Variants in SDK1 observed in about 807,000 individuals in gnomAD.
SDK1 encodes sidekick cell adhesion molecule 1.
SDK1 carries 157 observed loss-of-function variants against 245.5 expected under a neutral mutation model. That is an observed-to-expected ratio of 0.64 (90% CI 0.56 to 0.73). SDK1 has a LOEUF of 0.73. SDK1 is among the 30% of genes least tolerant of loss of function. SDK1 has a pLI of 0.00. For missense variants in SDK1, 3,583 were observed against 3,002.3 expected (o/e 1.19, Z -4.52); for synonymous variants, 1,647 against 1,278.5 (o/e 1.29, Z -6.15).
At chr7:3,879,552 C>CA (rs1781155124) in intron 5 of SDK1, among the ~76,000 whole-genome samples, 1 of 152,186 alleles carries the variant, frequency 6.6e-6, no homozygotes, top group Non-Finnish European at 1.5e-5. Context: ...GAGAAGGTTC[C>CA]AATTCTGTAC....
At chr7:4,112,758 A>ATT (rs10637008) in intron 23 of SDK1, among the ~76,000 whole-genome samples, 31,986 of 147,008 alleles carry the variant, frequency 0.22, 3,536 homozygotes, top group Middle Eastern at 0.31. Flanking sequence ...TGCAATTTGC[A>ATT]TTTTTTTTTT....
At chr7:3,520,799 T>TCCTG (rs1289717580) in intron 1 of SDK1, among the ~76,000 whole-genome samples, 1 of 152,222 alleles carries the variant, frequency 6.6e-6, no homozygotes, top group African/African-American at 2.4e-5. Flanking sequence ...TTGCATTTTG[T>TCCTG]CCTGCCTACC....
chr7:3,864,044 A>G (rs899819753), intron 5 of SDK1, among the ~76,000 whole-genome samples: 3 of 152,198 alleles, frequency 2.0e-5, no homozygotes, highest in Non-Finnish European at 4.4e-5. Context: ...TCACATTCCC[A>G]TCCACAGTGC....
chr7:3,336,881 TG>T (rs1026726670), intron 1 of SDK1, among the ~76,000 whole-genome samples: 2 of 152,104 alleles, frequency 1.3e-5, no homozygotes, highest in African/African-American at 4.8e-5. Flanking sequence ...TGGTGGGGAG[TG>T]GGGGGCTAGT....
chr7:3,676,792 T>C (rs541985691), intron 4 of SDK1, among the ~76,000 whole-genome samples: 2 of 152,250 alleles, frequency 1.3e-5, no homozygotes, highest in African/African-American at 4.8e-5. Flanking sequence ...CTCCATTGCT[T>C]ATTTTTGTTG....
At chr7:3,575,336 C>T in intron 1 of SDK1, among the ~76,000 whole-genome samples, 1 of 151,920 alleles carries the variant, frequency 6.6e-6, no homozygotes, top group Middle Eastern at 3.2e-3. Flanking sequence ...TCATGAGGGC[C>T]CCTCCCTTAG....
At chr7:3,743,725 T>C (rs1182871504) in intron 4 of SDK1, among the ~76,000 whole-genome samples, 13 of 152,060 alleles carry the variant, frequency 8.5e-5, no homozygotes, top group African/African-American at 3.1e-4. Flanking sequence ...AGGAAGAGGG[T>C]ATATATCACC....
chr7:3,738,595 G>C lies in SDK1; in HGVS notation c.714-82855G>C, dbSNP rs182603331. The stretch of plus-strand genomic sequence containing the variant: ...GAAAATGCCATTAGGAATTTTAGCA[G>C]GATTGTATTAAATCTGTAAATCATT... On this transcript the variant is annotated intron_variant, in intron 4 of 44. Transcript: ENST00000404826. Among the ~76,000 whole-genome samples the C allele has an allele frequency of 9.3e-4, 142 of 152,204 alleles. 1 individual carries two copies. Among genetic ancestry groups the C allele is most frequent in the African/African-American group, 3.3e-3 (139 of 41,518 alleles).
At position 3,643,883 on chromosome 7, in the gene SDK1, T is replaced by C. The variant is rs1481853020; in HGVS notation, c.713+1778T>C. On this transcript the variant is annotated intron_variant, in intron 4 of 44. Coordinates refer to ENST00000404826, the MANE Select transcript of SDK1 (RefSeq NM_152744.4). Reference sequence around the variant, plus strand: ...TAATAATAATTATTATTATTACTATTAATAATTATATAATACTTATAATTA... The same window carrying C: ...TAATAATAATTATTATTATTACTATCAATAATTATATAATACTTATAATTA... The C allele has an allele frequency of 2.0e-5, 3 of 148,748 alleles. No individual in the cohort carries two copies. In the South Asian group the frequency reaches 6.3e-4, roughly 31 times the overall value. The allele number at this position is 148,748 out of a possible 1,614,324, so 9.2% of individuals were successfully genotyped here.
intron 1 of SDK1, among the ~76,000 whole-genome samples, chr7:3,366,518 T>A (rs1261658870): frequency 6.6e-6 from 1 of 152,186 alleles, no homozygotes; most frequent in East Asian, 1.9e-4. Flanking sequence ...TTTTGTACTT[T>A]CATCAACAGT....
At chr7:3,954,682 A>C (rs1781119429) in intron 7 of SDK1, among the ~76,000 whole-genome samples, 1 of 141,056 alleles carries the variant, frequency 7.1e-6, no homozygotes, top group African/African-American at 2.7e-5. Flanking sequence ...TACACCCTCT[A>C]CACTGCACCA....
chr7:3,313,614 T>C (rs1779599525), intron 1 of SDK1, among the ~76,000 whole-genome samples: 1 of 152,184 alleles, frequency 6.6e-6, no homozygotes, highest in African/African-American at 2.4e-5. Flanking sequence ...GTCAGCAGTT[T>C]CCACTACAAG....
intron 1 of SDK1, among the ~76,000 whole-genome samples, chr7:3,342,888 CAA>C (rs1780385744): frequency 6.6e-6 from 1 of 151,008 alleles, no homozygotes; most frequent in African/African-American, 2.4e-5. Context: ...GACTTTTCAC[CAA>C]AGAGGATATT....
At chr7:3,684,798 AAG>A (rs1435806622) in intron 4 of SDK1, among the ~76,000 whole-genome samples, 1 of 152,220 alleles carries the variant, frequency 6.6e-6, no homozygotes, top group Non-Finnish European at 1.5e-5. Context: ...ACAGAAATAA[AAG>A]AGCCAATGGA....
intron 4 of SDK1, among the ~76,000 whole-genome samples, chr7:3,728,808 G>A (rs1779087714): frequency 6.6e-6 from 1 of 152,076 alleles, no homozygotes; most frequent in African/African-American, 2.4e-5. Flanking sequence ...GTTTCACCAT[G>A]TTGGTCAGGC....
chr7:3,481,906 G>A (rs897962086), intron 1 of SDK1, among the ~76,000 whole-genome samples: 3 of 152,170 alleles, frequency 2.0e-5, no homozygotes. Context: ...CTGATACAGT[G>A]AGAAAGGAAT....
Position 4,011,083 on chromosome 7 carries a change from G to T in SDK1, c.2249G>T (p.Gly750Val). The T allele has an allele frequency of 6.2e-7, 1 of 1,614,068 alleles. No individual in the cohort carries two copies. The highest frequency in any genetic ancestry group is 8.5e-7 in the Non-Finnish European group (1 of 1,180,038). The change falls in exon 15 of 45, where the codon GGC (glycine) becomes GTC (valine). Residue 750 changes from glycine (G) to valine (V), a missense_variant. Gly to Val is a moderately radical substitution (Grantham distance 109). Transcript: ENST00000404826. The stretch of plus-strand genomic sequence containing the variant: ...CGGGTGTGCGCGGTGAATGAAGTGG[G>T]CAGGGGCCAGTACAGCGCCGAGACA... Reference protein sequence around the residue: ...QFRVCAVNEVGRGQYSAETSR... With the variant: ...QFRVCAVNEVVRGQYSAETSR...
Position 3,915,550 on chromosome 7 carries a change from C to T in SDK1, c.848-35373C>T, listed in dbSNP as rs182382629. 3.5e-3 allele frequency among the ~76,000 whole-genome samples: 531 copies of T among 152,316 alleles called. 11 individuals are homozygous for T. Among genetic ancestry groups the T allele is most frequent in the Admixed American group, 0.031 (474 of 15,302 alleles). ...CACCTCCATGTAAGACATCCTTTTGCTCTTCCTTCATCTTACACCATGATG... is the reference window on the plus strand; with the variant it reads ...CACCTCCATGTAAGACATCCTTTTGTTCTTCCTTCATCTTACACCATGATG... On this transcript the variant is annotated intron_variant, in intron 5 of 44. Coordinates refer to ENST00000404826, the MANE Select transcript of SDK1 (RefSeq NM_152744.4).
At chr7:3,360,270 G>C (rs1306182299) in intron 1 of SDK1, among the ~76,000 whole-genome samples, 2 of 152,180 alleles carry the variant, frequency 1.3e-5, no homozygotes, top group Non-Finnish European at 2.9e-5. Context: ...GTGCTTGATA[G>C]ACAATCTGTT....
Sources: gnomAD v4.1 joint callset for allele counts (sites outside exome capture counted in the v4.1 genomes callset) on GRCh38, gnomAD v4.1.1 for gene constraint, MANE v1.5 for transcripts, NCBI Gene and HGNC (gene_info 2026-07-23, HGNC 2026-07-21) for gene names.